Variants in ENOX1 observed in about 807,000 individuals in gnomAD.
ENOX1 encodes the protein ecto-NOX disulfide-thiol exchanger 1.
Under a neutral mutation model 82.5 loss-of-function variants are expected in ENOX1, and 42 were observed. The observed-to-expected ratio is 0.51, with a 90% CI of 0.40 to 0.66. ENOX1 has a LOEUF of 0.66. ENOX1 is among the 30% of genes least tolerant of loss of function. The pLI is 0.00. For missense variants in ENOX1, 608 were observed against 811.6 expected (o/e 0.75, Z 3.05); for synonymous variants, 271 against 282.2 (o/e 0.96, Z 0.40).
At chr13:43,317,246 C>G (rs937889197) in intron 11 of ENOX1, among the ~76,000 whole-genome samples, 8 of 152,322 alleles carry the variant, frequency 5.3e-5, no homozygotes, top group African/African-American at 1.9e-4. Flanking sequence ...ACATTCAGTG[C>G]TTCCTAAAAG....
intron 3 of ENOX1, among the ~76,000 whole-genome samples, chr13:43,433,514 C>T (rs926889446): frequency 6.6e-6 from 1 of 152,108 alleles, no homozygotes; most frequent in South Asian, 2.1e-4. Context: ...CTCAAAATTG[C>T]TGTGAATCTA....
At chr13:43,423,669 G>A (rs768359439) in intron 3 of ENOX1, among the ~76,000 whole-genome samples, 1 of 152,136 alleles carries the variant, frequency 6.6e-6, no homozygotes, top group Non-Finnish European at 1.5e-5. Context: ...TCTAAATTCT[G>A]TCCTCAAACC....
At chr13:43,537,847 G>A (rs2078531702) in intron 2 of ENOX1, among the ~76,000 whole-genome samples, 1 of 152,196 alleles carries the variant, frequency 6.6e-6, no homozygotes, top group African/African-American at 2.4e-5. Context: ...TGATTTCCCT[G>A]GAGTCTCAGG....
intron 8 of ENOX1, among the ~76,000 whole-genome samples, chr13:43,352,426 C>T (rs1333517625): frequency 6.6e-6 from 1 of 152,240 alleles, no homozygotes; most frequent in Non-Finnish European, 1.5e-5. Context: ...TCAATCTCTT[C>T]CTCCCACAGT....
At chr13:43,774,498 A>C (rs1192222289) in intron 1 of ENOX1, among the ~76,000 whole-genome samples, 1 of 152,204 alleles carries the variant, frequency 6.6e-6, no homozygotes, top group African/African-American at 2.4e-5. Flanking sequence ...CCAATCTTGC[A>C]CTTGTATTAA....
chr13:43,623,851 T>C (rs1030494527), intron 2 of ENOX1, among the ~76,000 whole-genome samples: 1 of 152,230 alleles, frequency 6.6e-6, no homozygotes, highest in African/African-American at 2.4e-5. Context: ...CAGGGTTTTT[T>C]CCAATTTTTG....
chr13:43,471,424 GA>G (rs1156298426), intron 3 of ENOX1, among the ~76,000 whole-genome samples: 4 of 152,020 alleles, frequency 2.6e-5, no homozygotes, highest in Non-Finnish European at 4.4e-5. Flanking sequence ...TACCTCAAAA[GA>G]AAAAACAAAG....
intron 5 of ENOX1, among the ~76,000 whole-genome samples, chr13:43,399,296 C>T (rs1355328052): frequency 6.6e-6 from 1 of 152,148 alleles, no homozygotes; most frequent in African/African-American, 2.4e-5. Flanking sequence ...GGGTGAGCAG[C>T]TCTAATCCTG....
chr13:43,508,923 T>C (rs1325470756), intron 2 of ENOX1, among the ~76,000 whole-genome samples: 1 of 152,058 alleles, frequency 6.6e-6, no homozygotes, highest in Non-Finnish European at 1.5e-5. Flanking sequence ...TAAAAGCATA[T>C]ATATGCATTT....
chr13:43,600,355 G>C (rs1032720340), intron 2 of ENOX1, among the ~76,000 whole-genome samples: 1 of 152,158 alleles, frequency 6.6e-6, no homozygotes, highest in Non-Finnish European at 1.5e-5. Context: ...GTTGAACGAA[G>C]AGCCCTTGGG....
At chr13:43,335,293 C>T (rs182446993) in intron 9 of ENOX1, among the ~76,000 whole-genome samples, 129 of 152,340 alleles carry the variant, frequency 8.5e-4, no homozygotes, top group African/African-American at 3.0e-3. Flanking sequence ...GGAAAACAAA[C>T]ACTAAGTTGT....
chr13:43,731,800 A>G (rs923722527), intron 1 of ENOX1, among the ~76,000 whole-genome samples: 6 of 152,262 alleles, frequency 3.9e-5, no homozygotes, highest in Admixed American at 1.3e-4. Context: ...AGTAAATGCA[A>G]TCAGCACAAT....
chr13:43,336,347 C>T (rs917870795), intron 9 of ENOX1, among the ~76,000 whole-genome samples: 1 of 152,212 alleles, frequency 6.6e-6, no homozygotes, highest in Non-Finnish European at 1.5e-5. Flanking sequence ...CACAACTTGA[C>T]ACTTGATAAA....
intron 3 of ENOX1, among the ~76,000 whole-genome samples, chr13:43,451,711 G>T (rs181501688): frequency 6.6e-6 from 1 of 152,260 alleles, no homozygotes; most frequent in East Asian, 1.9e-4. Context: ...TACTTCTACT[G>T]CTCACAGGTA....
chr13:43,701,278 G>T (rs1450181113), intron 1 of ENOX1, among the ~76,000 whole-genome samples: 4 of 152,146 alleles, frequency 2.6e-5, no homozygotes, highest in African/African-American at 9.6e-5. Context: ...AGCAATTTGT[G>T]TGACTGTATA....
At chr13:43,709,863 AAAT>A (rs1347760796) in intron 1 of ENOX1, among the ~76,000 whole-genome samples, 2 of 152,184 alleles carry the variant, frequency 1.3e-5, no homozygotes, top group African/African-American at 4.8e-5. Flanking sequence ...ACAGAACCGG[AAAT>A]AATAATTTTT....
chr13:43,616,367 A>G (rs1430583736), intron 2 of ENOX1, among the ~76,000 whole-genome samples: 1 of 148,600 alleles, frequency 6.7e-6, no homozygotes, highest in Non-Finnish European at 1.5e-5. Flanking sequence ...ACACCTGGTT[A>G]ATTTTTGTAT....
chr13:43,696,105 G>A (rs1249082135), intron 1 of ENOX1, among the ~76,000 whole-genome samples: 1 of 152,136 alleles, frequency 6.6e-6, no homozygotes, highest in Non-Finnish European at 1.5e-5. Flanking sequence ...CATCTATGTT[G>A]CAACATGTGT....
intron 9 of ENOX1, among the ~76,000 whole-genome samples, chr13:43,335,631 C>A (rs548003310): frequency 6.6e-6 from 1 of 152,012 alleles, no homozygotes; most frequent in Non-Finnish European, 1.5e-5. Flanking sequence ...ACTTAATATG[C>A]ACTCCAATTC....
Sources: gnomAD v4.1 joint callset for allele counts (sites outside exome capture counted in the v4.1 genomes callset) on GRCh38, gnomAD v4.1.1 for gene constraint, MANE v1.5 for transcripts, NCBI Gene and HGNC (gene_info 2026-07-23, HGNC 2026-07-21) for gene names.